The following UAP1L1 variants were observed in gnomAD, a reference collection of about 807,000 sequenced individuals.
The protein encoded by UAP1L1 is UDP-N-acetylglucosamine pyrophosphorylase 1 like 1, also known as UDP-N-acetylhexosamine pyrophosphorylase-like protein 1.
UAP1L1 carries 45 observed loss-of-function variants against 45.3 expected under a neutral mutation model. That is an observed-to-expected ratio of 0.99 (90% CI 0.78 to 1.27). The LOEUF is 1.27. Ranked by LOEUF, UAP1L1 falls within the 50% of genes most tolerant of loss-of-function variation. The probability of loss-of-function intolerance (pLI) is 0.00; values close to 1 mark genes in which losing one functional copy is unlikely to be tolerated. For synonymous variants in UAP1L1, 323 were observed against 303.9 expected (o/e 1.06, Z -0.65); for missense variants, 667 against 694.0 (o/e 0.96, Z 0.44).
In UAP1L1 at chr9:137,083,668, A is replaced by G. The variant is rs1397193632; in HGVS notation, c.*939A>G. 1 of 152,242 alleles carries G rather than the reference A, an allele frequency of 6.6e-6. No homozygotes were observed. Among genetic ancestry groups the G allele is most frequent in the Admixed American group, 6.5e-5 (1 of 15,280 alleles). 9.4% of individuals were successfully genotyped at this position (152,242 alleles called of 1,614,324 possible). On this transcript the variant is annotated 3_prime_UTR_variant, in exon 9 of 9. Transcript: ENST00000409858. The stretch of plus-strand genomic sequence containing the variant: ...CTCTCCGAGTGAGGACGCAGCCTCC[A>G]TATTTGGTGCACTCAGGCATGGCTG...
In UAP1L1 at chr9:137,078,981, A is replaced by G. The variant is rs760469375; in HGVS notation, c.676A>G (p.Asn226Asp). The change falls in exon 4 of 9, where the codon AAC (asparagine) becomes GAC (aspartate). Residue 226 changes from asparagine (N) to aspartate (D), a missense_variant. Physicochemically the swap from Asn to Asp is conservative, Grantham distance 23. Transcript: ENST00000409858. Reference sequence around the variant, plus strand: ...ATTCCCTTCTCCGTCTGCAGACGGCAACGGGGGCCTCTACTGCGCGCTGGA... The same window carrying G: ...ATTCCCTTCTCCGTCTGCAGACGGCGACGGGGGCCTCTACTGCGCGCTGGA... ...KDKVAMAPDG[N>D]GGLYCALEDH... The G allele has an allele frequency of 1.3e-6, 2 of 1,586,964 alleles. No individual in the cohort carries two copies. Among genetic ancestry groups the G allele is most frequent in the South Asian group, 2.3e-5 (2 of 87,012 alleles).
At chr9:137,080,284 T>C (rs1832770365) in intron 6 of UAP1L1, 142 bp downstream of exon 6, 1 of 1,110,636 alleles carries the variant, frequency 9.0e-7, no homozygotes, top group African/African-American at 1.6e-5. Context: ...GACCAGAGGG[T>C]GCTCTTGGCC....
chr9:137,080,257 G>T, intron 6 of UAP1L1, 115 bp downstream of exon 6: 1 of 1,394,640 alleles, frequency 7.2e-7, no homozygotes, highest in Middle Eastern at 1.8e-4. Context: ...GGCCCCGCGG[G>T]CAAGTCTCAG....
chr9:137,079,723 G>A, intron 5 of UAP1L1: 1 of 584,210 alleles, frequency 1.7e-6, no homozygotes, highest in East Asian at 2.9e-5. Flanking sequence ...GACCTGCCCT[G>A]GTGCCCAGGG....
intron 5 of UAP1L1, 176 bp downstream of exon 5, chr9:137,079,625 A>G: frequency 3.1e-6 from 2 of 637,056 alleles, no homozygotes; most frequent in Non-Finnish European, 2.7e-6. Flanking sequence ...TTGCAAAGGC[A>G]GAGGTGCTGG....
At chr9:137,080,946 C>A in intron 7 of UAP1L1, 72 bp downstream of exon 7, 1 of 1,403,260 alleles carries the variant, frequency 7.1e-7, no homozygotes, top group South Asian at 1.4e-5. Context: ...GCTCCAGAGC[C>A]CTGTTGGCTC....
In UAP1L1 at chr9:137,079,458, C is replaced by T; in HGVS notation, c.1037+9C>T. 1.9e-6 allele frequency: 3 copies of T among 1,574,178 alleles called. No homozygotes were observed. In the South Asian group the frequency reaches 3.4e-5, roughly 18 times the overall value. ...CTTAAGGCGGTCACCAGGTGTGCGG[C>T]AGCAGGTGGCTGCGGATTGCCGGCC... is the stretch of plus-strand genomic sequence containing the variant. On this transcript the variant is annotated intron_variant, in intron 5 of 8. Coordinates refer to ENST00000409858, the MANE Select transcript of UAP1L1 (RefSeq NM_207309.3).
chr9:137,080,372 T>C, intron 6 of UAP1L1: 1 of 601,786 alleles, frequency 1.7e-6, no homozygotes, highest in Non-Finnish European at 2.9e-6. Context: ...TAGTGCCACC[T>C]CCCGGACCTT....
In UAP1L1 at chr9:137,082,122, T is replaced by C. The variant is rs1832796964; in HGVS notation, c.1431+58T>C. On this transcript the variant is annotated intron_variant, in intron 8 of 8. Coordinates refer to ENST00000409858, the MANE Select transcript of UAP1L1 (RefSeq NM_207309.3). This position sits in a 1 kb window ranked among gnomAD's most constrained non-coding sequence, Gnocchi z 5.7. ...CTGGTGTCAGGTTTGGAATACCATC[T>C]GGGGAGAGGTGGCTGCTCGGGTGGA... 1 of 1,546,372 alleles carries C rather than the reference T, an allele frequency of 6.5e-7. No individual in the cohort carries two copies. The highest frequency in any genetic ancestry group is 1.7e-5 in the Admixed American group (1 of 59,952).
chr9:137,080,324 C>T, intron 6 of UAP1L1, 182 bp downstream of exon 6: 2 of 716,702 alleles, frequency 2.8e-6, no homozygotes, highest in Admixed American at 2.8e-5. Context: ...GAGGTGGGGG[C>T]ATAGGGAGTC....
chr9:137,078,568 C>T lies in UAP1L1; in HGVS notation c.561C>T (p.Phe187=). ...TAEFFREHNF[F]HLDPANVVMF... is the part of the protein sequence containing the mutation. Reference sequence around the variant, plus strand: ...AGTTCTTCAGGGAGCACAACTTCTTCCACCTGGACCCCGCCAACGTGGTCA... The same window carrying T: ...AGTTCTTCAGGGAGCACAACTTCTTTCACCTGGACCCCGCCAACGTGGTCA... The change falls in exon 3 of 9, where the codon TTC becomes TTT. Residue 187 remains phenylalanine, a synonymous_variant. Coordinates refer to ENST00000409858, the MANE Select transcript of UAP1L1 (RefSeq NM_207309.3). 2 of 1,613,220 alleles carry T rather than the reference C, an allele frequency of 1.2e-6. No homozygotes were observed. Among genetic ancestry groups the T allele is most frequent in the East Asian group, 2.2e-5 (1 of 44,886 alleles).
In UAP1L1 at chr9:137,078,030, C is replaced by T; in HGVS notation, c.290-20C>T. ...GGTGGGCGGGTCCCGGGCGTCCCTT[C>T]ACGGCGCCCGTACCCCCAGGTTTCC... is the stretch of plus-strand genomic sequence containing the variant. On this transcript the variant is annotated intron_variant, in intron 1 of 8. Transcript: ENST00000409858. The T allele has an allele frequency of 1.3e-6, 2 of 1,545,978 alleles. No homozygotes were observed. Among genetic ancestry groups the T allele is most frequent in the Non-Finnish European group, 8.7e-7 (1 of 1,146,840 alleles).
In UAP1L1 at chr9:137,078,675, C is replaced by T; in HGVS notation, c.668C>T (p.Pro223Leu). ...CGGAAAGACAAAGTTGCCATGGCCC[C>T]AGGTGTGGCCCGTTCCTGAGACGGG... The part of the protein sequence containing the change: ...LERKDKVAMA[P>L]DGNGGLYCAL... Residue 223 changes from proline to leucine, a missense_variant and splice_region_variant, in exon 3 of 9, where the codon CCA becomes CTA. Coordinates refer to ENST00000409858, the MANE Select transcript of UAP1L1 (RefSeq NM_207309.3). 6.2e-7 allele frequency: 1 copy of T among 1,610,536 alleles called. No homozygotes were observed. The highest frequency in any genetic ancestry group is 1.1e-5 in the South Asian group (1 of 90,932).
intron 6 of UAP1L1, 145 bp downstream of exon 6, chr9:137,080,287 T>C (rs1011908990): frequency 9.2e-7 from 1 of 1,081,416 alleles, no homozygotes; most frequent in Non-Finnish European, 1.4e-6. Flanking sequence ...CAGAGGGTGC[T>C]CTTGGCCCTG....
In UAP1L1 at chr9:137,080,755, C is replaced by T. The variant is rs373573211; in HGVS notation, c.1245C>T (p.Ala415=). 4.7e-5 allele frequency: 76 copies of T among 1,612,712 alleles called. No homozygotes were observed. Among genetic ancestry groups the T allele is most frequent in the Non-Finnish European group, 6.0e-5 (71 of 1,179,928 alleles). ...EFSPLKNAEP[A]DRDSPRTARQ... ...CCCCACTGAAGAACGCAGAGCCAGC[C>T]GACAGGGACAGTCCCCGCACCGCTC... is the stretch of plus-strand genomic sequence containing the variant. Residue 415 remains alanine (A), a synonymous_variant, in exon 7 of 9, where the codon GCC becomes GCT. Transcript: ENST00000409858.
At position 137,082,592 on chromosome 9, in the gene UAP1L1, C is replaced by A; in HGVS notation, c.1432-45C>A. 6.7e-7 allele frequency: 1 copy of A among 1,493,418 alleles called. No homozygotes were observed. Among genetic ancestry groups the A allele is most frequent in the South Asian group, 1.2e-5 (1 of 82,772 alleles). 92.5% of individuals were successfully genotyped at this position (1,493,418 alleles called of 1,614,324 possible). ...TGGTGTGGCCAGAGGGGCTGTGACCCGCCAAAAGGTGGGTACTTGGCCATT... is the reference window on the plus strand; with the variant it reads ...TGGTGTGGCCAGAGGGGCTGTGACCAGCCAAAAGGTGGGTACTTGGCCATT... On this transcript the variant is annotated intron_variant, in intron 8 of 8. Transcript: ENST00000409858. The surrounding 1 kb of genome is among the most constrained non-coding windows in gnomAD (Gnocchi z 5.7).
At chr9:137,078,843 G>A (rs1247990626) in intron 3 of UAP1L1, 133 bp from the exon 4 acceptor site, 2 of 1,311,346 alleles carry the variant, frequency 1.5e-6, no homozygotes, top group Admixed American at 2.8e-5. Flanking sequence ...TACACCAACT[G>A]GGCTGTCTGG....
At chr9:137,081,888 C>T in intron 7 of UAP1L1, 110 bp from the exon 8 acceptor site, 1 of 1,003,678 alleles carries the variant, frequency 1.0e-6, no homozygotes, top group Admixed American at 1.7e-5. Context: ...GAGACAGGAG[C>T]TGTGGGGAGC....
rs576446663 is a variant in UAP1L1 at position 137,082,456 on chromosome 9, G to A, written c.1432-181G>A. 6.0e-4 allele frequency: 363 copies of A among 610,070 alleles called. 2 individuals carry two copies. Among genetic ancestry groups the A allele is most frequent in the Non-Finnish European group, 9.9e-4 (337 of 341,554 alleles). The allele number at this position is 610,070 out of a possible 1,614,324, so 37.8% of individuals were successfully genotyped here. ...CTGCTGGCCTAGGGTCTTGAGTGTG[G>A]TCTTGGGTGGCCTTGCAGTGTGTGT... is the stretch of plus-strand genomic sequence containing the variant. On this transcript the variant is annotated intron_variant, in intron 8 of 8. Transcript: ENST00000409858. This position sits in a 1 kb window ranked among gnomAD's most constrained non-coding sequence, Gnocchi z 5.7.
Sources: allele counts gnomAD v4.1 joint callset, GRCh38; gene constraint gnomAD v4.1.1; non-coding constraint Gnocchi (gnomAD v3.1); transcripts MANE v1.5; gene names NCBI Gene and HGNC (gene_info 2026-07-23, HGNC 2026-07-21).